The following SKIC3 variants were observed in gnomAD, a reference collection of about 807,000 sequenced individuals.
SKIC3 encodes SKI3 subunit of superkiller complex.
chr5:95,516,418 C>T, the SKIC3 span: 1 of 1,612,966 alleles, frequency 6.2e-7, no homozygotes, highest in South Asian at 1.1e-5. Context: ...TTCTAAAAAA[C>T]ATAACATTTT....
chr5:95,486,520 C>T, the SKIC3 span, among the ~76,000 whole-genome samples: 2 of 152,152 alleles, frequency 1.3e-5, no homozygotes, highest in Non-Finnish European at 1.5e-5. Flanking sequence ...GCTGGCAGCC[C>T]GGCATCACTC....
the SKIC3 span, among the ~76,000 whole-genome samples, chr5:95,492,652 G>GAAAAAAA: frequency 5.0e-3 from 242 of 48,780 alleles, 51 homozygotes; most frequent in Non-Finnish European, 5.8e-3. Flanking sequence ...AAAAAAAAAA[G>GAAAAAAA]AAAAAAAAAA....
At chr5:95,524,382 A>T in the SKIC3 span, 1 of 1,559,514 alleles carries the variant, frequency 6.4e-7, no homozygotes. Flanking sequence ...AGTAAAGAGT[A>T]ATTGTAACTA....
the SKIC3 span, among the ~76,000 whole-genome samples, chr5:95,484,316 GC>G: frequency 1.4e-5 from 2 of 147,412 alleles, no homozygotes; most frequent in Non-Finnish European, 3.0e-5. Flanking sequence ...ACCACTACCT[GC>G]TCTTTAAACA....
chr5:95,470,039 C>G, the SKIC3 span: 4 of 1,065,538 alleles, frequency 3.8e-6, no homozygotes, highest in East Asian at 9.2e-5. Context: ...TGCAGTGGCG[C>G]GATCTCGGCT....
the SKIC3 span, among the ~76,000 whole-genome samples, chr5:95,486,557 C>T: frequency 1.3e-5 from 2 of 152,268 alleles, no homozygotes; most frequent in African/African-American, 4.8e-5. Flanking sequence ...AGCCAGGGCC[C>T]GCATGCACCA....
chr5:95,554,756 A>G, the SKIC3 span: 1 of 158,872 alleles, frequency 6.3e-6, no homozygotes, highest in Admixed American at 6.1e-5. Context: ...CGCCCTATTC[A>G]ACTTAAGTGA....
chr5:95,479,384 A>G, the SKIC3 span, among the ~76,000 whole-genome samples: 2 of 152,124 alleles, frequency 1.3e-5, no homozygotes, highest in African/African-American at 2.4e-5. Flanking sequence ...TACTTTGTCA[A>G]TTGTCCCCAA....
chr5:95,512,073 T>C, the SKIC3 span, among the ~76,000 whole-genome samples: 2 of 152,222 alleles, frequency 1.3e-5, no homozygotes, highest in Non-Finnish European at 2.9e-5. Flanking sequence ...CTCACAACTC[T>C]ACAATCCAGG....
chr5:95,540,835 TAAAG>T, the SKIC3 span: 1 of 1,613,702 alleles, frequency 6.2e-7, no homozygotes, highest in Admixed American at 1.7e-5. Context: ...AGCCACCTAT[TAAAG>T]AAGGAGATTT....
chr5:95,465,663 T>A, the SKIC3 span, among the ~76,000 whole-genome samples: 2 of 152,178 alleles, frequency 1.3e-5, no homozygotes, highest in African/African-American at 4.8e-5. Context: ...ATCAACATAT[T>A]TGCCTCTGTT....
the SKIC3 span, among the ~76,000 whole-genome samples, chr5:95,518,672 T>C: frequency 6.6e-6 from 1 of 152,106 alleles, no homozygotes; most frequent in Non-Finnish European, 1.5e-5. Context: ...AGTATTCCAT[T>C]GCATATAAAT....
the SKIC3 span, among the ~76,000 whole-genome samples, chr5:95,510,238 A>C: frequency 6.6e-6 from 1 of 152,290 alleles, no homozygotes; most frequent in South Asian, 2.1e-4. Flanking sequence ...CAGAAATCCA[A>C]CCTAACTCCA....
chr5:95,510,633 T>C, the SKIC3 span, among the ~76,000 whole-genome samples: 2 of 152,200 alleles, frequency 1.3e-5, no homozygotes, highest in African/African-American at 4.8e-5. Context: ...CAACTCCCTA[T>C]GATTTCATCT....
the SKIC3 span, among the ~76,000 whole-genome samples, chr5:95,532,927 C>A: frequency 1.3e-5 from 2 of 151,954 alleles, no homozygotes; most frequent in African/African-American, 2.4e-5. Context: ...AAAAGCTGAT[C>A]AATACTATCT....
the SKIC3 span, among the ~76,000 whole-genome samples, chr5:95,524,976 C>A: frequency 0.15 from 23,539 of 151,970 alleles, 2,521 homozygotes; most frequent in African/African-American, 0.3. Context: ...CTCCACCCCC[C>A]AGGTTCAAGC....
the SKIC3 span, among the ~76,000 whole-genome samples, chr5:95,548,343 G>T: frequency 6.6e-6 from 1 of 151,906 alleles, no homozygotes; most frequent in African/African-American, 2.4e-5. Context: ...TGAGACCAAA[G>T]AAGTTTGAGA....
chr5:95,471,887 C>T, the SKIC3 span, among the ~76,000 whole-genome samples: 2 of 152,120 alleles, frequency 1.3e-5, no homozygotes, highest in African/African-American at 4.8e-5. Flanking sequence ...CTGTGGGGCC[C>T]AGTGCAAAAT....
chr5:95,466,122 G>A, the SKIC3 span, among the ~76,000 whole-genome samples: 44 of 152,056 alleles, frequency 2.9e-4, no homozygotes, highest in Admixed American at 9.2e-4. Flanking sequence ...TTTTCATTGT[G>A]TTTTTAAAAT....
Sources: gnomAD v4.1 joint callset for allele counts (sites outside exome capture counted in the v4.1 genomes callset) on GRCh38, gnomAD v4.1.1 for gene constraint, MANE v1.5 for transcripts, NCBI Gene and HGNC (gene_info 2026-07-23, HGNC 2026-07-21) for gene names.